The following TRIM25 variants were observed in gnomAD, a reference collection of about 807,000 sequenced individuals.
The protein encoded by TRIM25 is tripartite motif containing 25, also known as E3 ubiquitin/ISG15 ligase TRIM25.
A neutral mutation model predicts 65.2 loss-of-function variants in TRIM25; 45 were observed. The observed-to-expected ratio is 0.69, with a 90% confidence interval of 0.54 to 0.89. TRIM25 has a LOEUF of 0.89. Among genes scored for constraint, TRIM25 ranks in the 40% least tolerant of loss-of-function variants. The pLI is 0.00. For synonymous variants in TRIM25, 321 were observed against 340.4 expected (o/e 0.94, Z 0.63); for missense variants, 714 against 803.7 (o/e 0.89, Z 1.35).
In TRIM25 at chr17:56,895,545, C is replaced by T; in HGVS notation, c.1240G>A (p.Asp414Asn). 1 of 1,602,060 alleles carries T rather than the reference C, an allele frequency of 6.2e-7. No homozygotes were observed. Among genetic ancestry groups the T allele is most frequent in the Non-Finnish European group, 8.5e-7 (1 of 1,172,206 alleles). Residue 414 changes from aspartate to asparagine, a missense_variant, in exon 7 of 9, where the codon GAT becomes AAT. Around this residue, in one of 3 missense-constraint regions of TRIM25, gnomAD observed 413 missense variants for 498.2 expected, o/e 0.83. Transcript: ENST00000316881. ...PTFGAPEQLV[D>N]LKQAGLEAAA... ...CCCTCCAAGCCAGCTTGTTTTAAAT[C>T]CACTAACTGTTCCGGGGCTCCAAAC...
chr17:56,903,769 T>TA (rs1909462290), intron 3 of TRIM25, among the ~76,000 whole-genome samples: 1 of 152,130 alleles, frequency 6.6e-6, no homozygotes, highest in African/African-American at 2.4e-5. Context: ...CTTAATCAGG[T>TA]AAAAGACCTT....
At chr17:56,905,122 T>C (rs1003322068) in intron 2 of TRIM25, among the ~76,000 whole-genome samples, 3 of 152,074 alleles carry the variant, frequency 2.0e-5, no homozygotes, top group Non-Finnish European at 4.4e-5. Flanking sequence ...CTAAAGGTGG[T>C]TCATGGGCAA....
chr17:56,892,270 CA>C, intron 8 of TRIM25, 41 bp from the exon 9 acceptor site: 1 of 1,546,854 alleles, frequency 6.5e-7, no homozygotes, highest in Non-Finnish European at 8.7e-7. Flanking sequence ...ACAAGGGGCC[CA>C]AAGTGCTCTT....
rs1909284276 is a variant in TRIM25 at position 56,895,942 on chromosome 17, C to A, written c.1164G>T (p.Lys388Asn). 1 of 1,612,226 alleles carries A rather than the reference C, an allele frequency of 6.2e-7. No individual in the cohort carries two copies. The highest frequency in any genetic ancestry group is 1.3e-5 in the African/African-American group (1 of 74,856). ...ATAACTTACGAGGTTTCTTGGATTT[C>A]TTTTCCTCTTCTGCAAAAGAAAGTT... is the stretch of plus-strand genomic sequence containing the variant. ...RPVKKVSKEEKKSKKPPPVPA... is the reference protein window; with the variant it reads ...RPVKKVSKEENKSKKPPPVPA... Residue 388 changes from lysine to asparagine, a missense_variant, in exon 6 of 9, where the codon AAG becomes AAT. Lys to Asn is a moderately conservative substitution (Grantham distance 94). Around this residue, in one of 3 missense-constraint regions of TRIM25, gnomAD observed 413 missense variants for 498.2 expected, o/e 0.83. Transcript: ENST00000316881.
At chr17:56,896,943 A>C (rs1335208488) in intron 5 of TRIM25, among the ~76,000 whole-genome samples, 1 of 149,240 alleles carries the variant, frequency 6.7e-6, no homozygotes, top group Non-Finnish European at 1.5e-5. Context: ...TGTCTCTACA[A>C]AAAAAAAAAA....
chr17:56,910,929 G>T (rs573073668), intron 1 of TRIM25, among the ~76,000 whole-genome samples: 6 of 152,212 alleles, frequency 3.9e-5, no homozygotes, highest in Non-Finnish European at 7.3e-5. Context: ...GTCAGGACAG[G>T]GGGGTAGGTG....
intron 1 of TRIM25, among the ~76,000 whole-genome samples, chr17:56,910,188 C>A (rs1407349150): frequency 6.6e-6 from 1 of 152,184 alleles, no homozygotes; most frequent in Non-Finnish European, 1.5e-5. Context: ...CCGTAACTAG[C>A]AGGCTCAACA....
At chr17:56,904,915 C>A (rs574758836) in intron 2 of TRIM25, among the ~76,000 whole-genome samples, 1 of 152,176 alleles carries the variant, frequency 6.6e-6, no homozygotes, top group Non-Finnish European at 1.5e-5. Context: ...AGAAAAACAA[C>A]TTGCAGAAGA....
At chr17:56,909,589 G>A (rs1567842788) in intron 1 of TRIM25, among the ~76,000 whole-genome samples, 1 of 151,704 alleles carries the variant, frequency 6.6e-6, no homozygotes, top group Non-Finnish European at 1.5e-5. Context: ...GGGGGCTGAG[G>A]CAGGAGGATC....
intron 5 of TRIM25, among the ~76,000 whole-genome samples, chr17:56,896,379 C>A (rs1287935589): frequency 6.7e-6 from 1 of 149,820 alleles, no homozygotes; most frequent in African/African-American, 2.5e-5. Context: ...GGGCTGGGCG[C>A]ATGGTGGCTC....
At position 56,890,200 on chromosome 17, in the gene TRIM25, A is replaced by G. The variant is rs979109549; in HGVS notation, c.*1500T>C. ...TCCTCTAAGCAAAGCCCAGAGTTGG[A>G]CTCATTTCACTATAAGAGGCTAAAT... On this transcript the variant is annotated 3_prime_UTR_variant, in exon 9 of 9. Transcript: ENST00000316881. 7.0e-6 allele frequency: 2 copies of G among 285,110 alleles called. No individual in the cohort carries two copies. Among genetic ancestry groups the G allele is most frequent in the Admixed American group, 9.7e-5 (2 of 20,566 alleles). 17.7% of individuals were successfully genotyped at this position (285,110 alleles called of 1,614,324 possible). A position where few individuals can be genotyped will look rare whatever the true frequency, so the allele number is the denominator to read the frequency against.
In TRIM25 at chr17:56,914,000, G is replaced by A; in HGVS notation, c.-12C>T. The A allele has an allele frequency of 6.5e-7, 1 of 1,530,206 alleles. No homozygotes were observed. Among genetic ancestry groups the A allele is most frequent in the Non-Finnish European group, 8.8e-7 (1 of 1,136,056 alleles). The allele number at this position is 1,530,206 out of a possible 1,614,324, so 94.8% of individuals were successfully genotyped here. ...CACAGCTCTGCCATGGCGCTCCCAG[G>A]GGTCGGGACACAACTGCTGCACCCG... On this transcript the variant is annotated 5_prime_UTR_variant, in exon 1 of 9. Transcript: ENST00000316881. The surrounding 1 kb of genome is among the most constrained non-coding windows in gnomAD (Gnocchi z 6.1).
In TRIM25 at chr17:56,890,165, A is replaced by C; in HGVS notation, c.*1535T>G. ...TTCTTTTCATATTATAGGAAGCCTG[A>C]CAGGAGCTCTCCTCTAAGCAAAGCC... On this transcript the variant is annotated 3_prime_UTR_variant, in exon 9 of 9. Transcript: ENST00000316881. 3.3e-6 allele frequency: 1 copy of C among 300,146 alleles called. No homozygotes were observed. Among genetic ancestry groups the C allele is most frequent in the Non-Finnish European group, 6.1e-6 (1 of 162,940 alleles). 18.6% of individuals were successfully genotyped at this position (300,146 alleles called of 1,614,324 possible).
intron 1 of TRIM25, among the ~76,000 whole-genome samples, chr17:56,909,013 C>G (rs985219095): frequency 5.5e-4 from 83 of 152,128 alleles, no homozygotes; most frequent in South Asian, 4.1e-4. Flanking sequence ...GAAACTCAAG[C>G]AAGGAGGACA....
intron 8 of TRIM25, among the ~76,000 whole-genome samples, chr17:56,893,711 C>T (rs1337616289): frequency 2.0e-5 from 3 of 152,206 alleles, no homozygotes; most frequent in African/African-American, 7.2e-5. Context: ...CGGAACTCCA[C>T]CCACTTCCAG....
intron 5 of TRIM25, among the ~76,000 whole-genome samples, chr17:56,898,526 G>C (rs183704557): frequency 6.6e-6 from 1 of 152,292 alleles, no homozygotes; most frequent in East Asian, 1.9e-4. Flanking sequence ...ACCCCTAGGA[G>C]GGCAAAAATG....
intron 2 of TRIM25, among the ~76,000 whole-genome samples, chr17:56,907,979 T>C (rs998573370): frequency 6.6e-6 from 1 of 152,150 alleles, no homozygotes; most frequent in Non-Finnish European, 1.5e-5. Flanking sequence ...CAAAGAAGGG[T>C]TCTCCCCTAG....
At chr17:56,892,375 A>T in intron 8 of TRIM25, 146 bp from the exon 9 acceptor site, 4 of 825,062 alleles carry the variant, frequency 4.8e-6, no homozygotes, top group Non-Finnish European at 7.3e-6. Flanking sequence ...TCATCTATCC[A>T]TCTGTCTGTC....
chr17:56,904,484 G>C lies in TRIM25; in HGVS notation c.698C>G (p.Thr233Ser), dbSNP rs753201822. Reference sequence around the variant, plus strand: ...TAGCTGCTCCACCTTTCTGTTTGCAGTCATCTGAGAGGGCCAAGGTAAGAG... The same window carrying C: ...TAGCTGCTCCACCTTTCTGTTTGCACTCATCTGAGAGGGCCAAGGTAAGAG... Reference protein sequence around the residue: ...VRNRQQDVRMTANRKVEQLQQ... With the variant: ...VRNRQQDVRMSANRKVEQLQQ... Residue 233 changes from threonine (T) to serine (S), a missense_variant, in exon 3 of 9, where the codon ACT (threonine) becomes AGT (serine). By Grantham distance (58) the Thr-to-Ser change is moderately conservative. This residue lies in a region of TRIM25 where 413 missense variants were observed against 498.2 expected (regional missense o/e 0.83). Transcript: ENST00000316881. 1 of 1,613,954 alleles carries C rather than the reference G, an allele frequency of 6.2e-7. No homozygotes were observed. The highest frequency in any genetic ancestry group is 1.7e-5 in the Admixed American group (1 of 59,988).
Sources: gnomAD v4.1 joint callset for allele counts (sites outside exome capture counted in the v4.1 genomes callset) on GRCh38, gnomAD v4.1.1 for gene constraint, gnomAD v4.1.1 regional missense constraint, Gnocchi (gnomAD v3.1) non-coding constraint, MANE v1.5 for transcripts, NCBI Gene and HGNC (gene_info 2026-07-23, HGNC 2026-07-21) for gene names.